TMEM179: variants seen among roughly 807,000 people sequenced by gnomAD.
TMEM179 encodes the protein transmembrane protein 179.
In TMEM179, 17 loss-of-function variants were observed where a neutral mutation model predicts 22.2. The observed-to-expected ratio is 0.77, with a 90% CI of 0.52 to 1.15. The LOEUF (loss-of-function observed/expected upper bound fraction) is 1.15. Ranked by LOEUF, TMEM179 falls within the 50% of genes most tolerant of loss-of-function variation. TMEM179 has a pLI of 0.00. For synonymous variants in TMEM179, 127 were observed against 140.5 expected, an observed-to-expected ratio of 0.90 and a Z score of 0.68; for missense variants, 265 against 313.6, an observed-to-expected ratio of 0.84 and a Z score of 1.17.
chr14:104,596,298 C>T (rs2140484805), intron 2 of TMEM179, among the ~76,000 whole-genome samples: 1 of 152,314 alleles, frequency 6.6e-6, no homozygotes, highest in Non-Finnish European at 1.5e-5. Flanking sequence ...CTGCATGGTG[C>T]CCCTCAGGGC....
At position 104,604,279 on chromosome 14, in the gene TMEM179, G is replaced by A. The variant is rs1054891730; in HGVS notation, c.305+158C>T. 2.0e-5 allele frequency among the ~76,000 whole-genome samples: 3 copies of A among 152,202 alleles called. No homozygotes were observed. The highest frequency in any genetic ancestry group is 4.4e-5 in the Non-Finnish European group (3 of 68,030). ...GTCCCTGGATGTGTGTGTAGACAAA[G>A]GGCGGTCTGAGTGGAGGGGGTGAGG... On this transcript the variant is annotated intron_variant, in intron 1 of 3. Coordinates refer to ENST00000556573, the MANE Select transcript of TMEM179 (RefSeq NM_001286389.2). The surrounding 1 kb of genome is among the most constrained non-coding windows in gnomAD (Gnocchi z 4.6).
chr14:104,599,473 C>G (rs1008447242), intron 1 of TMEM179, among the ~76,000 whole-genome samples: 6 of 152,224 alleles, frequency 3.9e-5, no homozygotes, highest in Non-Finnish European at 8.8e-5. Context: ...ACCACTTCAT[C>G]TCTTGTCAAC....
chr14:104,601,287 G>A (rs558646142), intron 1 of TMEM179, among the ~76,000 whole-genome samples: 6 of 152,326 alleles, frequency 3.9e-5, no homozygotes, highest in African/African-American at 1.4e-4. Context: ...ATCGGGGCCA[G>A]GTGAGTGACC....
intron 1 of TMEM179, among the ~76,000 whole-genome samples, chr14:104,602,969 G>C (rs1446717899): frequency 6.6e-6 from 1 of 152,238 alleles, no homozygotes; most frequent in Admixed American, 6.5e-5. Context: ...CCTGAGTTTA[G>C]AGTGGGCCCT....
chr14:104,598,819 C>A (rs1887137156), intron 1 of TMEM179, among the ~76,000 whole-genome samples: 1 of 152,200 alleles, frequency 6.6e-6, no homozygotes, highest in African/African-American at 2.4e-5. Flanking sequence ...TTTGAGCCAC[C>A]CCAGGGAGTC....
chr14:104,594,823 C>G, intron 3 of TMEM179: 1 of 1,282,952 alleles, frequency 7.8e-7, no homozygotes, highest in African/African-American at 1.5e-5. Flanking sequence ...AAGCCCTTGT[C>G]CCTACACTGG....
rs1401063874 is a variant in TMEM179, at chr14:104,604,218, G to A, written c.305+219C>T. On this transcript the variant is annotated intron_variant, in intron 1 of 3. Transcript: ENST00000556573. The surrounding 1 kb of genome is among the most constrained non-coding windows in gnomAD (Gnocchi z 4.6). ...GGTGATGCGCAGCTGGGGAGGGGAGGCACTGGCCTTGTACGCAGGACCGGT... is the reference window on the plus strand; with the variant it reads ...GGTGATGCGCAGCTGGGGAGGGGAGACACTGGCCTTGTACGCAGGACCGGT... Among the ~76,000 whole-genome samples the A allele has an allele frequency of 6.6e-6, 1 of 152,206 alleles. No individual in the cohort carries two copies. Among genetic ancestry groups the A allele is most frequent in the Non-Finnish European group, 1.5e-5 (1 of 68,022 alleles).
rs139419144 is a variant in TMEM179 at position 104,596,272 on chromosome 14, G to A, written c.443+718C>T. On this transcript the variant is annotated intron_variant, in intron 2 of 3. Transcript: ENST00000556573. ...CTCTGGAGGGTTCCTGTCTTCCAGG[G>A]TTTTGGCCTGGGGCACTGCATGGTG... 6.5e-3 allele frequency among the ~76,000 whole-genome samples: 993 copies of A among 152,340 alleles called. 50 individuals are homozygous for A. Among genetic ancestry groups the A allele is most frequent in the Admixed American group, 0.056 (857 of 15,296 alleles).
In TMEM179 at chr14:104,597,046, G is replaced by A. The variant is rs114019210; in HGVS notation, c.387C>T (p.Ser129=). 7.0e-4 allele frequency: 1,134 copies of A among 1,610,044 alleles called. 8 individuals are homozygous for A. The African/African-American group carries it at 0.013, about 18-fold the overall frequency. Residue 129 remains serine (S), a synonymous_variant, in exon 2 of 4, where the codon AGC becomes AGT. Coordinates refer to ENST00000556573, the MANE Select transcript of TMEM179 (RefSeq NM_001286389.2). The surrounding 1 kb of genome is among the most constrained non-coding windows in gnomAD (Gnocchi z 4.8). ...TGTCGCACCACATGGTGAAGCCCACGCTCACGATGGTGCTGGCAATGAAGA... is the reference window on the plus strand; with the variant it reads ...TGTCGCACCACATGGTGAAGCCCACACTCACGATGGTGCTGGCAATGAAGA... ...FLVFIASTIV[S]VGFTMWCDTI... is the part of the protein sequence containing the mutation.
rs190761392 is a variant in TMEM179, at chr14:104,593,363, G to A, written c.*116C>T. The A allele has an allele frequency of 3.1e-5, 41 of 1,303,560 alleles. No individual in the cohort carries two copies. In the East Asian group the frequency reaches 8.1e-4, roughly 26 times the overall value. The allele number at this position is 1,303,560 out of a possible 1,614,324, so 80.7% of individuals were successfully genotyped here. The stretch of plus-strand genomic sequence containing the variant: ...TACACGTGGCGTCGAGGGGACACAC[G>A]CAGGGCTGCATGTGGCCAGGGCCCA... On this transcript the variant is annotated 3_prime_UTR_variant, in exon 4 of 4. Coordinates refer to ENST00000556573, the MANE Select transcript of TMEM179 (RefSeq NM_001286389.2).
Position 104,595,044 on chromosome 14 carries a change from C to G in TMEM179, c.522+121G>C, listed in dbSNP as rs746071435. The stretch of plus-strand genomic sequence containing the variant: ...TCCCACTGCCTGGTCCCATTGCTAA[C>G]TACCTTATCCACACAGGAGCCTGCC... On this transcript the variant is annotated intron_variant, in intron 3 of 3. Coordinates refer to ENST00000556573, the MANE Select transcript of TMEM179 (RefSeq NM_001286389.2). This position sits in a 1 kb window ranked among gnomAD's most constrained non-coding sequence, Gnocchi z 5.7. The G allele has an allele frequency of 4.5e-6, 7 of 1,548,176 alleles. No homozygotes were observed. The highest frequency in any genetic ancestry group is 6.1e-6 in the Non-Finnish European group (7 of 1,144,710).
chr14:104,599,370 G>A (rs917609694), intron 1 of TMEM179, among the ~76,000 whole-genome samples: 1 of 152,160 alleles, frequency 6.6e-6, no homozygotes, highest in Non-Finnish European at 1.5e-5. Context: ...TCCCTCCACT[G>A]AAAGTCACTG....
rs1203813757 is a variant in TMEM179, at chr14:104,602,129, T to C, written c.305+2308A>G. The stretch of plus-strand genomic sequence containing the variant: ...TGCCACGGCTGACAGACAGTCACCT[T>C]CCGTGAGATGGCAAGAGGCAGAGCT... On this transcript the variant is annotated intron_variant, in intron 1 of 3. Coordinates refer to ENST00000556573, the MANE Select transcript of TMEM179 (RefSeq NM_001286389.2). Among the ~76,000 whole-genome samples the C allele has an allele frequency of 2.1e-4, 32 of 152,208 alleles. 1 individual carries two copies. Among genetic ancestry groups the C allele is most frequent in the Admixed American group, 2.1e-3 (32 of 15,294 alleles).
At chr14:104,596,900 T>C in intron 2 of TMEM179, 90 bp downstream of exon 2, 2 of 1,515,932 alleles carry the variant, frequency 1.3e-6, no homozygotes. Flanking sequence ...AGGATGGGCT[T>C]CGTGAGGGAA....
chr14:104,592,813 C>T lies in TMEM179; in HGVS notation c.*666G>A, dbSNP rs537628696. 1.1e-4 allele frequency among the ~76,000 whole-genome samples: 17 copies of T among 152,174 alleles called. No individual in the cohort carries two copies. The highest frequency in any genetic ancestry group is 6.5e-4 in the Admixed American group (10 of 15,268). The stretch of plus-strand genomic sequence containing the variant: ...GAAATCCCCAACCAGATGATGCCCC[C>T]GATTCTGTGGAGCCCAGATTACCAC... On this transcript the variant is annotated 3_prime_UTR_variant, in exon 4 of 4. Coordinates refer to ENST00000556573, the MANE Select transcript of TMEM179 (RefSeq NM_001286389.2).
Position 104,595,823 on chromosome 14 carries a change from G to T in TMEM179, c.444-580C>A, listed in dbSNP as rs1028975030. ...AGGAGTGAGCCAGGCCTGGGCTCCC[G>T]GTAGGTGTCCTGCACCCCCAACATA... On this transcript the variant is annotated intron_variant, in intron 2 of 3. Transcript: ENST00000556573. The surrounding 1 kb of genome is among the most constrained non-coding windows in gnomAD (Gnocchi z 5.7). 6.6e-6 allele frequency among the ~76,000 whole-genome samples: 1 copy of T among 152,230 alleles called. No individual in the cohort carries two copies. Among genetic ancestry groups the T allele is most frequent in the South Asian group, 2.1e-4 (1 of 4,836 alleles).
chr14:104,600,375 C>T (rs1172734831), intron 1 of TMEM179, among the ~76,000 whole-genome samples: 1 of 152,222 alleles, frequency 6.6e-6, no homozygotes, highest in Non-Finnish European at 1.5e-5. Flanking sequence ...CTGGAAAGCC[C>T]AGCAATGTGA....
chr14:104,599,606 T>C (rs1330222295), intron 1 of TMEM179, among the ~76,000 whole-genome samples: 1 of 152,146 alleles, frequency 6.6e-6, no homozygotes, highest in Non-Finnish European at 1.5e-5. Context: ...TAGGGGCCTA[T>C]AGTCACAGAG....
intron 2 of TMEM179, among the ~76,000 whole-genome samples, chr14:104,596,037 C>G (rs919509668): frequency 2.0e-5 from 3 of 152,240 alleles, no homozygotes; most frequent in Non-Finnish European, 4.4e-5. Flanking sequence ...AGAGCTGGGA[C>G]AGTGCACGAT....
Sources: allele counts gnomAD v4.1 joint callset (sites outside exome capture counted in the v4.1 genomes callset), GRCh38; gene constraint gnomAD v4.1.1; non-coding constraint Gnocchi (gnomAD v3.1); transcripts MANE v1.5; gene names NCBI Gene and HGNC (gene_info 2026-07-23, HGNC 2026-07-21).